The following EBF3 variants were observed in gnomAD, a reference collection of about 807,000 sequenced individuals.
EBF3 encodes the protein transcription factor COE3.
A neutral mutation model predicts 77.1 loss-of-function variants in EBF3; 18 were observed. That is an observed-to-expected ratio of 0.23 (90% CI 0.16 to 0.35). The LOEUF (loss-of-function observed/expected upper bound fraction) is 0.35, where lower values mean the gene tolerates loss of function less well. EBF3 is among the 10% of genes least tolerant of loss of function. EBF3 has a pLI of 1.00. For synonymous variants in EBF3, 350 were observed against 343.5 expected, an observed-to-expected ratio of 1.02 and a Z score of -0.21; for missense variants, 558 against 860.0, an observed-to-expected ratio of 0.65 and a Z score of 4.39.
At chr10:129,927,222 T>C (rs1412334020) in intron 6 of EBF3, among the ~76,000 whole-genome samples, 1 of 152,186 alleles carries the variant, frequency 6.6e-6, no homozygotes, top group Non-Finnish European at 1.5e-5. Context: ...AACCAGCACA[T>C]GGCCAGGAGG....
At chr10:129,911,747 G>T (rs1855538851) in intron 6 of EBF3, among the ~76,000 whole-genome samples, 1 of 152,104 alleles carries the variant, frequency 6.6e-6, no homozygotes, top group African/African-American at 2.4e-5. Flanking sequence ...TCTCATAGTT[G>T]ATATGGGGGA....
At chr10:129,860,278 C>T (rs549050625) in intron 10 of EBF3, among the ~76,000 whole-genome samples, 102 of 152,094 alleles carry the variant, frequency 6.7e-4, no homozygotes, top group African/African-American at 2.5e-3. Flanking sequence ...GAAGGACCAT[C>T]GCAAGGTGGG....
In EBF3 at chr10:129,867,282, C is replaced by A. The variant is rs750470117; in HGVS notation, c.913-15G>T. 2 of 1,613,666 alleles carry A rather than the reference C, an allele frequency of 1.2e-6. No individual in the cohort carries two copies. The highest frequency in any genetic ancestry group is 2.7e-5 in the African/African-American group (2 of 74,906). ...GGAGTTATCAGCTACAAAAACCACACGGTGAACAGGCGCTCAGCGGCGCTG... is the reference window on the plus strand; with the variant it reads ...GGAGTTATCAGCTACAAAAACCACAAGGTGAACAGGCGCTCAGCGGCGCTG... On this transcript the variant is annotated splice_polypyrimidine_tract_variant and intron_variant, in intron 9 of 16. Transcript: ENST00000440978.
chr10:129,860,427 C>T (rs1445413650), intron 10 of EBF3, among the ~76,000 whole-genome samples: 5 of 152,236 alleles, frequency 3.3e-5, no homozygotes, highest in Admixed American at 6.5e-5. Flanking sequence ...GATGAATGGC[C>T]GTCCCCTGTC....
At position 129,907,736 on chromosome 10, in the gene EBF3, T is replaced by C. The variant is rs367716585; in HGVS notation, c.555-29887A>G. Among the ~76,000 whole-genome samples, 7 of 152,360 alleles carry C rather than the reference T, an allele frequency of 4.6e-5. No individual in the cohort carries two copies. In the East Asian group the frequency reaches 1.2e-3, roughly 25 times the overall value. On this transcript the variant is annotated intron_variant, in intron 6 of 16. Coordinates refer to ENST00000440978, the MANE Select transcript of EBF3 (RefSeq NM_001375380.1). Reference sequence around the variant, plus strand: ...CTGGATAGAGAGCCATAAAAACTGATAGACTGCGATCGTGAATTATAAATT... The same window carrying C: ...CTGGATAGAGAGCCATAAAAACTGACAGACTGCGATCGTGAATTATAAATT...
intron 6 of EBF3, among the ~76,000 whole-genome samples, chr10:129,913,181 C>T (rs1589843728): frequency 2.6e-5 from 4 of 152,184 alleles, no homozygotes; most frequent in African/African-American, 4.8e-5. Flanking sequence ...TGTTAGGGTC[C>T]GTCTCAGACA....
chr10:129,848,434 T>A lies in EBF3; in HGVS notation c.1086A>T (p.Lys362Asn). The A allele has an allele frequency of 6.2e-7, 1 of 1,614,256 alleles. No individual in the cohort carries two copies. The highest frequency in any genetic ancestry group is 8.5e-7 in the Non-Finnish European group (1 of 1,180,046). ...GATCACCCGGATGTCTTGGGATCACTTTCTGCAACCTCTGAAAGCCGTAAT... is the reference window on the plus strand; with the variant it reads ...GATCACCCGGATGTCTTGGGATCACATTCTGCAACCTCTGAAAGCCGTAAT... ...TIDYGFQRLQ[K>N]VIPRHPGDPE... Residue 362 changes from lysine (K) to asparagine (N), a missense_variant, in exon 11 of 17, where the codon AAA becomes AAT. By Grantham distance (94) the Lys-to-Asn change is moderately conservative. Around this residue, in one of 5 missense-constraint regions of EBF3, gnomAD observed 284 missense variants for 368.3 expected, o/e 0.77. Transcript: ENST00000440978. The surrounding 1 kb of genome is among the most constrained non-coding windows in gnomAD (Gnocchi z 4.4).
chr10:129,926,901 G>A (rs1271411965), intron 6 of EBF3, among the ~76,000 whole-genome samples: 3 of 152,196 alleles, frequency 2.0e-5, no homozygotes, highest in African/African-American at 7.2e-5. Flanking sequence ...CGGGGCTCCA[G>A]AGCCTGCTCC....
At chr10:129,866,619 G>A (rs1852029712) in intron 10 of EBF3, among the ~76,000 whole-genome samples, 1 of 152,236 alleles carries the variant, frequency 6.6e-6, no homozygotes, top group Non-Finnish European at 1.5e-5. Flanking sequence ...GTCATGCAGG[G>A]TTCAAGACCC....
intron 6 of EBF3, among the ~76,000 whole-genome samples, chr10:129,887,970 C>T (rs1191473267): frequency 6.6e-6 from 1 of 152,206 alleles, no homozygotes; most frequent in Admixed American, 6.5e-5. Flanking sequence ...AAACTCCTTG[C>T]TGATCCATCC....
chr10:129,907,093 C>A (rs1017978246), intron 6 of EBF3, among the ~76,000 whole-genome samples: 1 of 152,230 alleles, frequency 6.6e-6, no homozygotes, highest in African/African-American at 2.4e-5. Flanking sequence ...GTGGAAACAG[C>A]TAATGTATAC....
At chr10:129,916,203 C>T (rs975169281) in intron 6 of EBF3, among the ~76,000 whole-genome samples, 2 of 152,238 alleles carry the variant, frequency 1.3e-5, no homozygotes, top group African/African-American at 2.4e-5. Flanking sequence ...GGGGGAGAGA[C>T]GGGCGGGTGC....
chr10:129,915,311 G>A (rs1855797900), intron 6 of EBF3, among the ~76,000 whole-genome samples: 2 of 152,190 alleles, frequency 1.3e-5, no homozygotes, highest in South Asian at 4.1e-4. Context: ...AGGATGGCTG[G>A]GGGTTCCTCT....
intron 10 of EBF3, among the ~76,000 whole-genome samples, chr10:129,865,974 G>A (rs1339557043): frequency 6.6e-6 from 1 of 152,162 alleles, no homozygotes; most frequent in Non-Finnish European, 1.5e-5. Context: ...TGCACATGCA[G>A]GTCAAGCCCA....
chr10:129,842,667 G>A lies in EBF3; in HGVS notation c.1195-374C>T, dbSNP rs1850160654. 6.6e-6 allele frequency among the ~76,000 whole-genome samples: 1 copy of A among 151,272 alleles called. No individual in the cohort carries two copies. Among genetic ancestry groups the A allele is most frequent in the African/African-American group, 2.4e-5 (1 of 40,976 alleles). On this transcript the variant is annotated intron_variant, in intron 12 of 16. Coordinates refer to ENST00000440978, the MANE Select transcript of EBF3 (RefSeq NM_001375380.1). The surrounding 1 kb of genome is among the most constrained non-coding windows in gnomAD (Gnocchi z 4.4). ...TAATCCCAGCTACTCGGGAGCCTGA[G>A]GCAGGAGAATCGCTTGAACCTGGGA...
intron 6 of EBF3, among the ~76,000 whole-genome samples, chr10:129,953,293 G>A (rs533694117): frequency 1.3e-5 from 2 of 152,204 alleles, no homozygotes; most frequent in African/African-American, 2.4e-5. Flanking sequence ...ATGACACAAC[G>A]TCAATTACGC....
chr10:129,936,290 C>G (rs566415117), intron 6 of EBF3, among the ~76,000 whole-genome samples: 61 of 152,290 alleles, frequency 4.0e-4, no homozygotes, highest in African/African-American at 1.5e-3. Flanking sequence ...GGACATAACC[C>G]CTGCCCAGCC....
At chr10:129,862,478 A>G (rs562917533) in intron 10 of EBF3, among the ~76,000 whole-genome samples, 1 of 152,264 alleles carries the variant, frequency 6.6e-6, no homozygotes, top group South Asian at 2.1e-4. Context: ...TAATCGAGCA[A>G]AAGAAATCTC....
intron 6 of EBF3, among the ~76,000 whole-genome samples, chr10:129,904,679 GA>G (rs1855013426): frequency 1.3e-5 from 2 of 151,968 alleles, no homozygotes; most frequent in South Asian, 4.2e-4. Flanking sequence ...TCTATGGATA[GA>G]ACTATATAAT....
Sources: allele counts gnomAD v4.1 joint callset (sites outside exome capture counted in the v4.1 genomes callset), GRCh38; gene constraint gnomAD v4.1.1; regional missense constraint gnomAD v4.1.1; non-coding constraint Gnocchi (gnomAD v3.1); transcripts MANE v1.5; gene names NCBI Gene and HGNC (gene_info 2026-07-23, HGNC 2026-07-21).